ABR: variants seen among roughly 807,000 people sequenced by gnomAD.
ABR encodes ABR activator of RhoGEF and GTPase.
ABR carries 35 observed loss-of-function variants against 107.2 expected under a neutral mutation model. The ratio of observed to expected loss-of-function variants is 0.33; its 90% CI spans 0.25 to 0.43. ABR has a LOEUF of 0.43. ABR is among the 20% of genes least tolerant of loss of function. ABR has a pLI of 1.00. For missense variants in ABR, 815 were observed against 1,115.2 expected (o/e 0.73, Z 3.83); for synonymous variants, 498 against 462.0 (o/e 1.08, Z -1.00).
chr17:1,095,245 C>A (rs2037332728), intron 3 of ABR, among the ~76,000 whole-genome samples: 1 of 152,190 alleles, frequency 6.6e-6, no homozygotes, highest in Non-Finnish European at 1.5e-5. Context: ...GGTTATGCTT[C>A]CTCCTCAACT....
intron 16 of ABR, among the ~76,000 whole-genome samples, chr17:1,049,436 G>C (rs1450852446): frequency 1.3e-5 from 2 of 152,112 alleles, no homozygotes; most frequent in African/African-American, 4.8e-5. Context: ...AAGGTGCTGG[G>C]ATTACAGGCG....
In ABR at chr17:1,010,601, C is replaced by CCCCA. The variant is rs1425481321; in HGVS notation, c.2236+124_2236+127dup. The CCCCA allele has an allele frequency of 5.4e-6, 7 of 1,294,850 alleles. No homozygotes were observed. Among genetic ancestry groups the CCCCA allele is most frequent in the Non-Finnish European group, 7.4e-6 (7 of 940,700 alleles). The allele number at this position is 1,294,850 out of a possible 1,614,324, so 80.2% of individuals were successfully genotyped here. The stretch of plus-strand genomic sequence containing the variant: ...CACCCTCGGACCCCTCAGCCACAGG[C>CCCCA]CCCAGTGCACTGGGAAGGTCAGCCA... On this transcript the variant is annotated intron_variant, in intron 20 of 22. Coordinates refer to ENST00000302538, the MANE Select transcript of ABR (RefSeq NM_021962.5). This position sits in a 1 kb window ranked among gnomAD's most constrained non-coding sequence, Gnocchi z 4.1.
chr17:1,012,995 C>G, intron 17 of ABR, 110 bp downstream of exon 17: 2 of 1,367,024 alleles, frequency 1.5e-6, no homozygotes, highest in Non-Finnish European at 2.1e-6. Context: ...GCGGGGAGGT[C>G]GAGGCGGCAC....
intron 2 of ABR, among the ~76,000 whole-genome samples, chr17:1,124,524 G>A (rs1421682961): frequency 6.6e-6 from 1 of 152,232 alleles, no homozygotes; most frequent in Non-Finnish European, 1.5e-5. Flanking sequence ...CTCAGACAGC[G>A]TCAGTCCCTG....
chr17:1,138,981 A>T (rs1451326264), intron 1 of ABR, among the ~76,000 whole-genome samples: 3 of 152,242 alleles, frequency 2.0e-5, no homozygotes, highest in African/African-American at 7.2e-5. Flanking sequence ...AAAAGCAGTT[A>T]ATCATATAGT....
rs1194604407 is a variant in ABR, at chr17:1,070,158, G to A, written c.895-68C>T. The A allele has an allele frequency of 2.6e-5, 41 of 1,592,432 alleles. No individual in the cohort carries two copies. The highest frequency in any genetic ancestry group is 1.1e-4 in the African/African-American group (8 of 74,508). On this transcript the variant is annotated intron_variant, in intron 8 of 22. Coordinates refer to ENST00000302538, the MANE Select transcript of ABR (RefSeq NM_021962.5). The surrounding 1 kb of genome is among the most constrained non-coding windows in gnomAD (Gnocchi z 4.2). ...GCGGCCGAGGGCAGAGCCTGCACAC[G>A]GGGGCACGGCCAGCCAGGGAGGACT...
chr17:1,220,487 A>T (rs1224268992), intron 1 of ABR, among the ~76,000 whole-genome samples: 1 of 152,000 alleles, frequency 6.6e-6, no homozygotes, highest in Non-Finnish European at 1.5e-5. Context: ...AACAGGACAG[A>T]CTCACGTGGT....
intron 1 of ABR, among the ~76,000 whole-genome samples, chr17:1,147,653 C>T (rs112232708): frequency 1.5e-3 from 233 of 152,220 alleles, no homozygotes; most frequent in African/African-American, 5.4e-3. Context: ...CTACCACGCC[C>T]GGCCTTCAGC....
In ABR at chr17:1,003,794, C is replaced by T. The variant is rs1193799241; in HGVS notation, c.*2286G>A. 6.6e-6 allele frequency: 1 copy of T among 152,276 alleles called. No individual in the cohort carries two copies. The allele number at this position is 152,276 out of a possible 1,614,324, so 9.4% of individuals were successfully genotyped here. ...TGGGCACAGCCCACCCTGCTGGGCA[C>T]AGTGACTGGAGGTTCCAGGCTGCAC... On this transcript the variant is annotated 3_prime_UTR_variant, in exon 23 of 23. Transcript: ENST00000302538.
intron 3 of ABR, among the ~76,000 whole-genome samples, chr17:1,093,113 GCCCGGC>G (rs1567740452): frequency 3.4e-5 from 5 of 149,056 alleles, no homozygotes; most frequent in Non-Finnish European, 7.4e-5. Context: ...GAGCCACCGC[GCCCGGC>G]CAGCCATGTC....
chr17:1,032,604 G>A (rs545415231), intron 16 of ABR, among the ~76,000 whole-genome samples: 4 of 128,730 alleles, frequency 3.1e-5, no homozygotes, highest in South Asian at 3.3e-4. Context: ...GCAACCACCC[G>A]CGTCCGTGCT....
upstream of ABR, among the ~76,000 whole-genome samples, chr17:1,184,347 C>T (rs888689652): frequency 4.6e-5 from 7 of 151,108 alleles, no homozygotes; most frequent in Admixed American, 1.3e-4. Context: ...CCCAGCTACT[C>T]GGGAGGCTGA....
Position 1,070,119 on chromosome 17 carries a change from G to A in ABR, c.895-29C>T, listed in dbSNP as rs759111979. ...AGGGAGATGGCAGACCCCCCAGCCT[G>A]CTCAGAGGGGAATGCGGCCGAGGGC... is the stretch of plus-strand genomic sequence containing the variant. On this transcript the variant is annotated intron_variant, in intron 8 of 22. Transcript: ENST00000302538. The surrounding 1 kb of genome is among the most constrained non-coding windows in gnomAD (Gnocchi z 4.2). 1 of 1,612,580 alleles carries A rather than the reference G, an allele frequency of 6.2e-7. No homozygotes were observed. Among genetic ancestry groups the A allele is most frequent in the Admixed American group, 1.7e-5 (1 of 59,932 alleles).
chr17:1,018,295 G>T (rs1225071626), intron 16 of ABR, among the ~76,000 whole-genome samples: 1 of 152,074 alleles, frequency 6.6e-6, no homozygotes, highest in Non-Finnish European at 1.5e-5. Flanking sequence ...GCCCACCTCG[G>T]CCTCCCAAAG....
upstream of ABR, among the ~76,000 whole-genome samples, chr17:1,180,172 G>A (rs2042084969): frequency 1.3e-5 from 2 of 151,666 alleles, no homozygotes; most frequent in South Asian, 4.1e-4. Context: ...GGCCGCGGGG[G>A]TCTCGGGGGG....
chr17:1,094,394 AGAGTCT>A (rs2037259174), intron 3 of ABR, among the ~76,000 whole-genome samples: 1 of 147,776 alleles, frequency 6.8e-6, no homozygotes, highest in Admixed American at 6.7e-5. Flanking sequence ...TTTTTGAGAC[AGAGTCT>A]CACTCTGTCA....
At chr17:1,178,969 T>C (rs62070496) in intron 1 of ABR, among the ~76,000 whole-genome samples, 5,328 of 151,258 alleles carry the variant, frequency 0.035, 168 homozygotes, top group East Asian at 0.14. Flanking sequence ...CCAGAGAGAT[T>C]TGGGAGCGAG....
chr17:1,039,947 T>A (rs150534810), intron 16 of ABR, among the ~76,000 whole-genome samples: 1 of 151,668 alleles, frequency 6.6e-6, no homozygotes, highest in African/African-American at 2.4e-5. Context: ...AGGGCAGGGG[T>A]TGGGGACGGG....
At chr17:1,028,711 G>A (rs1424564510) in intron 16 of ABR, among the ~76,000 whole-genome samples, 2 of 152,220 alleles carry the variant, frequency 1.3e-5, no homozygotes, top group African/African-American at 4.8e-5. Context: ...CTGTGCTTCA[G>A]GGCAGAGACA....
Sources: gnomAD v4.1 joint callset for allele counts (sites outside exome capture counted in the v4.1 genomes callset) on GRCh38, gnomAD v4.1.1 for gene constraint, Gnocchi (gnomAD v3.1) non-coding constraint, MANE v1.5 for transcripts, NCBI Gene and HGNC (gene_info 2026-07-23, HGNC 2026-07-21) for gene names.